The following INPP5A variants were observed in gnomAD, a reference collection of about 807,000 sequenced individuals.
INPP5A encodes the protein 43 kDa inositol polyphosphate 5-phophatase.
A neutral mutation model predicts 65.2 loss-of-function variants in INPP5A; 14 were observed. The observed-to-expected ratio is 0.21, with a 90% confidence interval of 0.14 to 0.34. INPP5A has a LOEUF of 0.34. Among genes scored for constraint, INPP5A ranks in the 10% least tolerant of loss-of-function variants. The pLI, the probability that INPP5A is intolerant of heterozygous loss-of-function variation, is 1.00. For synonymous variants in INPP5A, 207 were observed against 208.3 expected (o/e 0.99, Z 0.05); for missense variants, 431 against 545.6 (o/e 0.79, Z 2.09).
chr10:132,747,412 G>A (rs914764589), intron 9 of INPP5A, among the ~76,000 whole-genome samples: 5 of 152,272 alleles, frequency 3.3e-5, no homozygotes, highest in Admixed American at 2.0e-4. Flanking sequence ...TGGGGATAGC[G>A]GGTGGCCGCC....
At chr10:132,612,234 C>T (rs990857751) in intron 2 of INPP5A, among the ~76,000 whole-genome samples, 5 of 41,472 alleles carry the variant, frequency 1.2e-4, no homozygotes, top group Non-Finnish European at 1.9e-4. Flanking sequence ...GAGGCCCTGT[C>T]GGGAGGGTGT....
At chr10:132,561,052 C>CT (rs758540879) in intron 1 of INPP5A, among the ~76,000 whole-genome samples, 2,690 of 126,940 alleles carry the variant, frequency 0.021, 58 homozygotes, top group African/African-American at 0.05. Flanking sequence ...GTTTGAAGCA[C>CT]TTTTTTTTTT....
At chr10:132,588,881 G>A (rs917057127) in intron 1 of INPP5A, among the ~76,000 whole-genome samples, 5 of 150,830 alleles carry the variant, frequency 3.3e-5, no homozygotes, top group African/African-American at 1.2e-4. Context: ...GTGTTGTCAT[G>A]GTGGTCACTG....
chr10:132,578,180 G>C (rs191408583), intron 1 of INPP5A, among the ~76,000 whole-genome samples: 110 of 152,314 alleles, frequency 7.2e-4, no homozygotes, highest in Middle Eastern at 3.4e-3. Context: ...ACTTTGATTT[G>C]ACAGCAATAA....
chr10:132,589,014 T>G (rs2071584005), intron 1 of INPP5A, among the ~76,000 whole-genome samples: 1 of 152,090 alleles, frequency 6.6e-6, no homozygotes, highest in African/African-American at 2.4e-5. Flanking sequence ...GGTCACTGTT[T>G]CTTGGAGTGT....
At chr10:132,744,773 C>T (rs993427459) in intron 9 of INPP5A, among the ~76,000 whole-genome samples, 1 of 152,224 alleles carries the variant, frequency 6.6e-6, no homozygotes, top group African/African-American at 2.4e-5. Flanking sequence ...TGTTGGGATT[C>T]CCAGGCTTCA....
intron 11 of INPP5A, 23 bp downstream of exon 11, chr10:132,749,868 C>T: frequency 1.9e-6 from 3 of 1,603,598 alleles, no homozygotes; most frequent in Non-Finnish European, 2.6e-6. Context: ...TCCAATGTGG[C>T]AGCTCCCCCG....
chr10:132,587,952 C>A lies in INPP5A; in HGVS notation c.76-19963C>A, dbSNP rs1182276602. On this transcript the variant is annotated intron_variant, in intron 1 of 15. Transcript: ENST00000368594. This position sits in a 1 kb window ranked among gnomAD's most constrained non-coding sequence, Gnocchi z 4.3. ...ACTTGAATCCGGGAGGCGGAGGTTG[C>A]AGTGAGCCAAGATGGCGCCATTGCC... Among the ~76,000 whole-genome samples the A allele has an allele frequency of 1.4e-5, 2 of 138,646 alleles. No homozygotes were observed. Among genetic ancestry groups the A allele is most frequent in the African/African-American group, 5.4e-5 (2 of 37,310 alleles). The allele number at this position is 138,646 out of a possible 152,430, so 91.0% of individuals were successfully genotyped here.
chr10:132,664,720 C>T (rs1482365986), intron 4 of INPP5A, among the ~76,000 whole-genome samples: 2 of 152,228 alleles, frequency 1.3e-5, no homozygotes, highest in East Asian at 1.9e-4. Flanking sequence ...CATGAGTGCA[C>T]CTTGCCATTT....
At chr10:132,749,093 G>A (rs552220421) in intron 9 of INPP5A, among the ~76,000 whole-genome samples, 14 of 152,410 alleles carry the variant, frequency 9.2e-5, no homozygotes, top group African/African-American at 3.1e-4. Context: ...TGCAGCCCTT[G>A]CCCGTTGTCA....
At chr10:132,777,953 C>T in intron 13 of INPP5A, 171 bp downstream of exon 13, 3 of 1,432,074 alleles carry the variant, frequency 2.1e-6, no homozygotes, top group Middle Eastern at 2.6e-4. Flanking sequence ...CATTGGGTCA[C>T]CTCTGAGCCA....
In INPP5A at chr10:132,747,934, C is replaced by T. The variant is rs183866473; in HGVS notation, c.733-1583C>T. Among the ~76,000 whole-genome samples the T allele has an allele frequency of 2.2e-3, 335 of 152,178 alleles. 2 individuals are homozygous for T. The highest frequency in any genetic ancestry group is 2.6e-3 in the Non-Finnish European group (179 of 68,002). On this transcript the variant is annotated intron_variant, in intron 9 of 15. Coordinates refer to ENST00000368594, the MANE Select transcript of INPP5A (RefSeq NM_005539.5). Reference sequence around the variant, plus strand: ...CATGGTGGTGCATTACCTACAGTCCCAGCTACTCGAGGGGCTGAGGTGGGA... The same window carrying T: ...CATGGTGGTGCATTACCTACAGTCCTAGCTACTCGAGGGGCTGAGGTGGGA...
At chr10:132,612,958 A>ATTCATTC (rs1341769696) in intron 2 of INPP5A, among the ~76,000 whole-genome samples, 1 of 152,044 alleles carries the variant, frequency 6.6e-6, no homozygotes, top group Non-Finnish European at 1.5e-5. Context: ...GGGTCTCTGC[A>ATTCATTC]GCCTGTTCAG....
intron 12 of INPP5A, among the ~76,000 whole-genome samples, chr10:132,776,934 A>G (rs1222971870): frequency 1.3e-5 from 2 of 152,176 alleles, no homozygotes; most frequent in East Asian, 3.8e-4. Context: ...AGACACAGCA[A>G]GGCCGCGGAG....
intron 4 of INPP5A, among the ~76,000 whole-genome samples, chr10:132,652,912 G>A (rs1283919418): frequency 1.3e-5 from 2 of 152,186 alleles, no homozygotes; most frequent in Non-Finnish European, 2.9e-5. Flanking sequence ...TCACTTAGAC[G>A]CGAAACCGAC....
chr10:132,581,288 G>A (rs1039415839), intron 1 of INPP5A, among the ~76,000 whole-genome samples: 1 of 152,128 alleles, frequency 6.6e-6, no homozygotes, highest in South Asian at 2.1e-4. Context: ...GGAGTTTCCT[G>A]TCCGGCCTCA....
intron 1 of INPP5A, among the ~76,000 whole-genome samples, chr10:132,574,683 A>C (rs192001170): frequency 8.4e-6 from 1 of 119,564 alleles, no homozygotes; most frequent in African/African-American, 3.2e-5. Flanking sequence ...TTTTGTAGAG[A>C]TGGGGTCTCA....
rs559189198 is a variant in INPP5A, at chr10:132,678,143, T to C, written c.307-12249T>C. On this transcript the variant is annotated intron_variant, in intron 4 of 15. Transcript: ENST00000368594. This position sits in a 1 kb window ranked among gnomAD's most constrained non-coding sequence, Gnocchi z 4.1. ...GTCAGTGCTTTGTAAATAAGTCAGC[T>C]GTCATTTTGTGGTGGTCACGGAGCT... 2.0e-5 allele frequency among the ~76,000 whole-genome samples: 3 copies of C among 152,246 alleles called. No individual in the cohort carries two copies. The highest frequency in any genetic ancestry group is 7.2e-5 in the African/African-American group (3 of 41,546).
chr10:132,666,234 A>C (rs1029399380), intron 4 of INPP5A, among the ~76,000 whole-genome samples: 6 of 152,166 alleles, frequency 3.9e-5, no homozygotes, highest in Admixed American at 2.0e-4. Context: ...AGTAATTCAT[A>C]GTCAGGGATA....
Sources: allele counts gnomAD v4.1 joint callset (sites outside exome capture counted in the v4.1 genomes callset), GRCh38; gene constraint gnomAD v4.1.1; non-coding constraint Gnocchi (gnomAD v3.1); transcripts MANE v1.5; gene names NCBI Gene and HGNC (gene_info 2026-07-23, HGNC 2026-07-21).